IP6K3: variants seen among roughly 807,000 people sequenced by gnomAD.
IP6K3 encodes ATP:1D-myo-inositol-hexakisphosphate phosphotransferase.
In IP6K3, 20 loss-of-function variants were observed where a neutral mutation model predicts 28.8. The observed-to-expected ratio is 0.70, with a 90% CI of 0.49 to 1.01. The LOEUF is 1.01. IP6K3 is among the 50% of genes least tolerant of loss of function. IP6K3 has a pLI of 0.00. For synonymous variants in IP6K3, 213 were observed against 221.3 expected (o/e 0.96, Z 0.33); for missense variants, 480 against 537.1 (o/e 0.89, Z 1.05).
chr6:33,748,728 G>T (rs890194219), upstream of IP6K3, among the ~76,000 whole-genome samples: 1 of 148,670 alleles, frequency 6.7e-6, no homozygotes, highest in South Asian at 2.2e-4. Context: ...AGCTGCCTTC[G>T]GGTGGCTGAG....
chr6:33,759,467 C>T, the IP6K3 span, among the ~76,000 whole-genome samples: 11 of 152,088 alleles, frequency 7.2e-5, no homozygotes, highest in South Asian at 1.2e-3. Context: ...TGAGCTCAAG[C>T]GATCCACCCG....
At chr6:33,758,889 G>T in the IP6K3 span, among the ~76,000 whole-genome samples, 1 of 152,192 alleles carries the variant, frequency 6.6e-6, no homozygotes, top group African/African-American at 2.4e-5. Flanking sequence ...GTGAACCACT[G>T]TGCCCTGCCC....
chr6:33,723,194 T>G lies in IP6K3; in HGVS notation c.766-7A>C. The stretch of plus-strand genomic sequence containing the variant: ...TCTTATCTGTTTGATAAACCTTACA[T>G]TAAAAAGAATAAAGAAAATGTGAAG... On this transcript the variant is annotated splice_polypyrimidine_tract_variant and splice_region_variant and intron_variant, in intron 5 of 5. Transcript: ENST00000293756. 2.6e-6 allele frequency: 4 copies of G among 1,523,460 alleles called. No homozygotes were observed. Among genetic ancestry groups the G allele is most frequent in the Non-Finnish European group, 2.7e-6 (3 of 1,127,622 alleles). 94.4% of individuals were successfully genotyped at this position (1,523,460 alleles called of 1,614,324 possible). A position where few individuals can be genotyped will look rare whatever the true frequency, so the allele number is the denominator to read the frequency against.
chr6:33,736,651 C>T (rs1004252062), intron 1 of IP6K3, among the ~76,000 whole-genome samples: 7 of 152,158 alleles, frequency 4.6e-5, no homozygotes, highest in Non-Finnish European at 1.0e-4. Context: ...GGTGATCCAC[C>T]CTCCTTGGCC....
the IP6K3 span, among the ~76,000 whole-genome samples, chr6:33,761,584 G>A: frequency 6.6e-6 from 1 of 152,128 alleles, no homozygotes; most frequent in East Asian, 1.9e-4. Flanking sequence ...TTCTGCTGGG[G>A]CCCCCAGTAG....
chr6:33,748,890 C>A (rs1266461003), upstream of IP6K3, among the ~76,000 whole-genome samples: 1 of 152,102 alleles, frequency 6.6e-6, no homozygotes, highest in African/African-American at 2.4e-5. Context: ...TGCCCCCTGA[C>A]TCCCCCCTGC....
the IP6K3 span, among the ~76,000 whole-genome samples, chr6:33,760,527 CTGTT>C: frequency 2.0e-5 from 3 of 152,280 alleles, no homozygotes; most frequent in Admixed American, 6.5e-5. Flanking sequence ...CCTCCTTCTC[CTGTT>C]TGTTTTGTTT....
upstream of IP6K3, among the ~76,000 whole-genome samples, chr6:33,747,131 G>A (rs16869459): frequency 0.11 from 16,462 of 152,158 alleles, 1,159 homozygotes; most frequent in African/African-American, 0.19. This position sits in a 1 kb window ranked among gnomAD's most constrained non-coding sequence, Gnocchi z 5.2. Context: ...AGCTGCCCAC[G>A]TAGATGTCAG....
chr6:33,731,995 T>C (rs1213161316), intron 2 of IP6K3, among the ~76,000 whole-genome samples: 1 of 152,200 alleles, frequency 6.6e-6, no homozygotes, highest in Non-Finnish European at 1.5e-5. Flanking sequence ...CTCAGCACTT[T>C]TGGTTTGGCC....
rs748608668 is a variant in IP6K3 at position 33,722,856 on chromosome 6, C to T, written c.1097G>A (p.Arg366His). The change falls in exon 6 of 6, where the codon CGC (arginine) becomes CAC (histidine). Residue 366 changes from arginine (R) to histidine (H), a missense_variant. Transcript: ENST00000293756. ...SPGGLTKVDI[R>H]MIDFAHTTYK... The stretch of plus-strand genomic sequence containing the variant: ...TGTGGTATGAGCAAAGTCAATCATG[C>T]GGATGTCAACCTTGGTGAGACCACC... 20 of 1,613,584 alleles carry T rather than the reference C, an allele frequency of 1.2e-5. No individual in the cohort carries two copies. The highest frequency in any genetic ancestry group is 1.1e-4 in the African/African-American group (8 of 74,900).
At chr6:33,753,243 G>C in the IP6K3 span, among the ~76,000 whole-genome samples, 2 of 151,956 alleles carry the variant, frequency 1.3e-5, no homozygotes, top group Non-Finnish European at 2.9e-5. Context: ...CATGGGGCTT[G>C]GTCTCTGGAA....
At chr6:33,748,642 CAAAAAAAAAAAAA>C (rs35735336), upstream of IP6K3, among the ~76,000 whole-genome samples, 54 of 38,370 alleles carry the variant, frequency 1.4e-3, 3 homozygotes, top group East Asian at 0.045. Context: ...ACCCTGTCTC[CAAAAAAAAAAAAA>C]AAAAAAAAAA....
At chr6:33,725,245 AAT>A (rs1766056284) in intron 5 of IP6K3, among the ~76,000 whole-genome samples, 194 bp downstream of exon 5, 1 of 150,974 alleles carries the variant, frequency 6.6e-6, no homozygotes, top group Non-Finnish European at 1.5e-5. Context: ...AAAAAAAAAA[AAT>A]AGAAAAAAGA....
At chr6:33,743,076 C>T (rs977686881) in intron 1 of IP6K3, among the ~76,000 whole-genome samples, 8 of 151,992 alleles carry the variant, frequency 5.3e-5, no homozygotes, top group Non-Finnish European at 1.0e-4. Flanking sequence ...CAGAGGCAGC[C>T]GGCAGTGGAG....
the IP6K3 span, among the ~76,000 whole-genome samples, chr6:33,755,693 G>T: frequency 1.3e-5 from 2 of 152,182 alleles, no homozygotes; most frequent in African/African-American, 4.8e-5. Context: ...GGTCCCCCCC[G>T]CTGTGAGGCT....
chr6:33,757,980 A>G, the IP6K3 span, among the ~76,000 whole-genome samples: 2 of 152,214 alleles, frequency 1.3e-5, no homozygotes, highest in African/African-American at 4.8e-5. Context: ...CACCAAAATG[A>G]GGACAGAAGC....
Position 33,722,683 on chromosome 6 carries a change from C to G in IP6K3, c.*37G>C. ...CAACCAACAGGTCTCTATTTGAGAT[C>G]TATAGCCCAGAAGAATCCAGATAAG... On this transcript the variant is annotated 3_prime_UTR_variant, in exon 6 of 6. Coordinates refer to ENST00000293756, the MANE Select transcript of IP6K3 (RefSeq NM_054111.5). The G allele has an allele frequency of 5.6e-6, 8 of 1,435,754 alleles. No individual in the cohort carries two copies. Among genetic ancestry groups the G allele is most frequent in the Non-Finnish European group, 7.7e-6 (8 of 1,039,408 alleles). The allele number at this position is 1,435,754 out of a possible 1,614,324, so 88.9% of individuals were successfully genotyped here. A position where few individuals can be genotyped will look rare whatever the true frequency, so the allele number is the denominator to read the frequency against.
At chr6:33,749,813 CCCCTCATTT>C (rs1483499153), upstream of IP6K3, among the ~76,000 whole-genome samples, 1 of 151,986 alleles carries the variant, frequency 6.6e-6, no homozygotes, top group East Asian at 1.9e-4. Flanking sequence ...GGCCATCATT[CCCCTCATTT>C]CACAGTGGAG....
intron 4 of IP6K3, 72 bp downstream of exon 4, chr6:33,726,659 C>T: frequency 7.0e-7 from 1 of 1,435,742 alleles, no homozygotes. Context: ...TTTCCTCTAC[C>T]CACCTCTGCC....
Sources: gnomAD v4.1 joint callset for allele counts (sites outside exome capture counted in the v4.1 genomes callset) on GRCh38, gnomAD v4.1.1 for gene constraint, Gnocchi (gnomAD v3.1) non-coding constraint, MANE v1.5 for transcripts, NCBI Gene and HGNC (gene_info 2026-07-23, HGNC 2026-07-21) for gene names.